The following AK9 variants were observed in gnomAD, a reference collection of about 807,000 sequenced individuals.
AK9 encodes the protein adenylate kinase 9.
In AK9, 191 loss-of-function variants were observed where a neutral mutation model predicts 239.6. The observed-to-expected ratio is 0.80, with a 90% CI of 0.71 to 0.90. AK9 has a LOEUF of 0.90. Among genes scored for constraint, AK9 ranks in the 40% least tolerant of loss-of-function variants. AK9 has a pLI of 0.00. For synonymous variants in AK9, 689 were observed against 721.0 expected, an observed-to-expected ratio of 0.96 and a Z score of 0.71; for missense variants, 1,995 against 2,214.7, an observed-to-expected ratio of 0.90 and a Z score of 1.99.
Position 109,497,784 on chromosome 6 carries a change from G to C in AK9, c.5216+12C>G, listed in dbSNP as rs1777227108. ...AATATCATTCTATACTTCCATGAAG[G>C]CCAGGACTTGCCTTTGGTTTCCATC... On this transcript the variant is annotated intron_variant, in intron 37 of 40. Transcript: ENST00000424296. The C allele has an allele frequency of 6.2e-7, 1 of 1,608,866 alleles. No homozygotes were observed.
intron 17 of AK9, among the ~76,000 whole-genome samples, chr6:109,592,897 T>G (rs1471576702): frequency 6.6e-6 from 1 of 152,184 alleles, no homozygotes; most frequent in Non-Finnish European, 1.5e-5. Flanking sequence ...TCTTCTTATA[T>G]CTGGCTGTCT....
intron 8 of AK9, among the ~76,000 whole-genome samples, chr6:109,650,279 A>C (rs1011105630): frequency 1.3e-5 from 2 of 151,944 alleles, no homozygotes; most frequent in African/African-American, 4.8e-5. Flanking sequence ...AAAAGAAACT[A>C]CCATCAGAGT....
At chr6:109,594,682 A>C (rs1790771256) in intron 17 of AK9, among the ~76,000 whole-genome samples, 1 of 152,194 alleles carries the variant, frequency 6.6e-6, no homozygotes, top group African/African-American at 2.4e-5. Context: ...AATGGAAGAA[A>C]ACAGAGGCCT....
intron 28 of AK9, among the ~76,000 whole-genome samples, chr6:109,532,802 A>G (rs907210573): frequency 6.9e-6 from 1 of 145,804 alleles, no homozygotes; most frequent in Non-Finnish European, 1.5e-5. Context: ...ACACTTTTGA[A>G]CATCTTATGG....
intron 38 of AK9, 107 bp downstream of exon 38, chr6:109,497,358 A>ACTCTCTCTCTCT (rs1237299336): frequency 2.1e-5 from 12 of 584,100 alleles, no homozygotes; most frequent in African/African-American, 1.5e-4. Context: ...ACACACACAC[A>ACTCTCTCTCTCT]CACACTCTCT....
At chr6:109,601,708 G>A (rs1003131205) in intron 17 of AK9, among the ~76,000 whole-genome samples, 3 of 152,272 alleles carry the variant, frequency 2.0e-5, no homozygotes, top group Non-Finnish European at 4.4e-5. Context: ...TATTGTGTGG[G>A]AGTCTAAGTC....
intron 8 of AK9, among the ~76,000 whole-genome samples, chr6:109,648,120 G>A (rs1362400709): frequency 3.3e-5 from 5 of 151,902 alleles, no homozygotes; most frequent in Admixed American, 2.0e-4. Context: ...AGCACTAAAT[G>A]CCCACAAGAG....
At chr6:109,688,394 A>G (rs1192548135) in intron 1 of AK9, among the ~76,000 whole-genome samples, 6 of 152,168 alleles carry the variant, frequency 3.9e-5, no homozygotes, top group Non-Finnish European at 8.8e-5. Context: ...ACCACTACCT[A>G]AAGGTTTAGA....
chr6:109,574,970 A>G (rs1562433836), intron 20 of AK9, among the ~76,000 whole-genome samples: 1 of 152,144 alleles, frequency 6.6e-6, no homozygotes, highest in Non-Finnish European at 1.5e-5. Flanking sequence ...TTGGTTTTCT[A>G]TTCCTGAGTT....
At chr6:109,599,437 T>A (rs144545417) in intron 17 of AK9, among the ~76,000 whole-genome samples, 1 of 152,304 alleles carries the variant, frequency 6.6e-6, no homozygotes, top group East Asian at 1.9e-4. Context: ...GGTCTATGTA[T>A]CTGTTTGGGT....
rs961895762 is a variant in AK9 at position 109,632,614 on chromosome 6, G to T, written c.1254+309C>A. Reference sequence around the variant, plus strand: ...GAGCCAGGAGAAGTGAAACCCAGGGGACAGAAGATGAGTAGAACCAAGAAA... The same window carrying T: ...GAGCCAGGAGAAGTGAAACCCAGGGTACAGAAGATGAGTAGAACCAAGAAA... On this transcript the variant is annotated intron_variant, in intron 12 of 40. Coordinates refer to ENST00000424296, the MANE Select transcript of AK9 (RefSeq NM_001145128.3). The T allele has an allele frequency of 1.6e-5, 6 of 384,900 alleles. No homozygotes were observed. The Admixed American group carries it at 2.5e-4, about 16-fold the overall frequency. The allele number at this position is 384,900 out of a possible 1,614,324, so 23.8% of individuals were successfully genotyped here.
chr6:109,615,579 C>A (rs1399571241), intron 13 of AK9, among the ~76,000 whole-genome samples: 2 of 151,974 alleles, frequency 1.3e-5, no homozygotes, highest in East Asian at 3.8e-4. Context: ...GTCTGGATAA[C>A]CATTTGGATG....
chr6:109,522,062 T>C (rs1779927626), intron 29 of AK9, among the ~76,000 whole-genome samples: 2 of 152,078 alleles, frequency 1.3e-5, no homozygotes, highest in South Asian at 4.1e-4. Flanking sequence ...TACAGAGTTC[T>C]AGGCTGAAAA....
In AK9 at chr6:109,672,010, T is replaced by G. The variant is rs369191317; in HGVS notation, c.240A>C (p.Gln80His). 1.2e-5 allele frequency: 20 copies of G among 1,613,830 alleles called. No individual in the cohort carries two copies. Among genetic ancestry groups the G allele is most frequent in the Middle Eastern group, 1.6e-4 (1 of 6,082 alleles). Reference sequence around the variant, plus strand: ...TGCTTTGACCGCTGATCAACATTGATTGCAACTAAGGACAAGCATAGATAT... The same window carrying G: ...TGCTTTGACCGCTGATCAACATTGAGTGCAACTAAGGACAAGCATAGATAT... Reference protein sequence around the residue: ...AAETESGVMLQSMLISGQSIP... With the variant: ...AAETESGVMLHSMLISGQSIP... Residue 80 changes from glutamine to histidine, a missense_variant, in exon 5 of 41, where the codon CAA (glutamine) becomes CAC (histidine). This residue lies in a region of AK9 where 252 missense variants were observed against 246.4 expected (regional missense o/e 1.02). Coordinates refer to ENST00000424296, the MANE Select transcript of AK9 (RefSeq NM_001145128.3).
At chr6:109,604,233 T>A (rs759828039) in intron 17 of AK9, among the ~76,000 whole-genome samples, 1 of 152,196 alleles carries the variant, frequency 6.6e-6, no homozygotes, top group Non-Finnish European at 1.5e-5. Context: ...AATTTTTTTA[T>A]AGAGAGTTGG....
chr6:109,502,384 G>A (rs1179124082), intron 35 of AK9, among the ~76,000 whole-genome samples: 1 of 152,162 alleles, frequency 6.6e-6, no homozygotes, highest in African/African-American at 2.4e-5. Flanking sequence ...ACACACACAT[G>A]GAGAACGCCA....
At chr6:109,668,429 T>C (rs1215032462) in intron 5 of AK9, among the ~76,000 whole-genome samples, 2 of 151,764 alleles carry the variant, frequency 1.3e-5, no homozygotes, top group African/African-American at 2.4e-5. Context: ...ATTTTGACTT[T>C]TGTTGCCATT....
intron 10 of AK9, among the ~76,000 whole-genome samples, chr6:109,636,921 G>T (rs1303899): frequency 6.6e-6 from 1 of 152,052 alleles, no homozygotes; most frequent in Admixed American, 6.6e-5. Context: ...GAAATGCCTA[G>T]AAGTGTAATT....
At chr6:109,559,090 G>C (rs58273806) in intron 24 of AK9, among the ~76,000 whole-genome samples, 4,354 of 151,774 alleles carry the variant, frequency 0.029, 98 homozygotes, top group East Asian at 0.11. Context: ...GACCTCAAGT[G>C]ATCCGCCTGA....
Sources: gnomAD v4.1 joint callset for allele counts (sites outside exome capture counted in the v4.1 genomes callset) on GRCh38, gnomAD v4.1.1 for gene constraint, gnomAD v4.1.1 regional missense constraint, MANE v1.5 for transcripts, NCBI Gene and HGNC (gene_info 2026-07-23, HGNC 2026-07-21) for gene names.